ADORA2A: variants seen among roughly 807,000 people sequenced by gnomAD.
ADORA2A encodes the protein adenosine receptor A2a.
A neutral mutation model predicts 18.4 loss-of-function variants in ADORA2A; 11 were observed. The ratio of observed to expected loss-of-function variants is 0.60; its 90% CI spans 0.38 to 0.99. ADORA2A has a LOEUF of 0.99. ADORA2A is among the 50% of genes least tolerant of loss of function. ADORA2A has a pLI of 0.01. For synonymous variants in ADORA2A, 218 were observed against 237.3 expected, an observed-to-expected ratio of 0.92 and a Z score of 0.75; for missense variants, 449 against 556.1, an observed-to-expected ratio of 0.81 and a Z score of 1.94.
chr22:24,438,911 C>G lies in ADORA2A; in HGVS notation c.333-1672C>G, dbSNP rs554783694. ...AGCCCCACCTGAGATCTGGTAATAG[C>G]AGGCGTACGTTTTGCATGGCGCTGA... On this transcript the variant is annotated intron_variant, in intron 2 of 2. Coordinates refer to ENST00000337539, the MANE Select transcript of ADORA2A (RefSeq NM_000675.6). Among the ~76,000 whole-genome samples, 269 of 152,096 alleles carry G rather than the reference C, an allele frequency of 1.8e-3. 2 individuals carry two copies. Among genetic ancestry groups the G allele is most frequent in the Non-Finnish European group, 3.0e-3 (205 of 67,988 alleles).
intron 1 of ADORA2A, chr22:24,431,680 T>C: frequency 2.8e-6 from 1 of 362,090 alleles, no homozygotes; most frequent in South Asian, 2.0e-5. Flanking sequence ...CCCATGAGGG[T>C]TCAGGATTGG....
Position 24,440,979 on chromosome 22 carries a change from C to A in ADORA2A, c.729C>A (p.Ala243=). The A allele has an allele frequency of 6.2e-7, 1 of 1,614,178 alleles. No homozygotes were observed. Among genetic ancestry groups the A allele is most frequent in the South Asian group, 1.1e-5 (1 of 91,086 alleles). ...TGGCCATCATTGTGGGGCTCTTTGC[C>A]CTCTGCTGGCTGCCCCTACACATCA... The part of the protein sequence containing the change: ...KSLAIIVGLF[A]LCWLPLHIIN... The change falls in exon 3 of 3, where the codon GCC becomes GCA. Residue 243 remains alanine, a synonymous_variant. Transcript: ENST00000337539.
Position 24,433,581 on chromosome 22 carries a change from C to T in ADORA2A, c.177C>T (p.Ala59=), listed in dbSNP as rs762896782. Residue 59 remains alanine (A), a synonymous_variant, in exon 2 of 3, where the codon GCC becomes GCT. Transcript: ENST00000337539. ...AAADIAVGVL[A]IPFAITISTG... The stretch of plus-strand genomic sequence containing the variant: ...CCGACATCGCAGTGGGTGTGCTCGC[C>T]ATCCCCTTTGCCATCACCATCAGCA... The T allele has an allele frequency of 6.2e-7, 1 of 1,614,168 alleles. No individual in the cohort carries two copies. Among genetic ancestry groups the T allele is most frequent in the Non-Finnish European group, 8.5e-7 (1 of 1,180,052 alleles).
At chr22:24,440,235 G>A (rs1213393696) in intron 2 of ADORA2A, among the ~76,000 whole-genome samples, 1 of 152,156 alleles carries the variant, frequency 6.6e-6, no homozygotes, top group Non-Finnish European at 1.5e-5. Context: ...TTTCCCTTTA[G>A]AGAAAAATCA....
chr22:24,436,310 G>T (rs1601414252), intron 2 of ADORA2A, among the ~76,000 whole-genome samples: 1 of 152,178 alleles, frequency 6.6e-6, no homozygotes, highest in Admixed American at 6.5e-5. Context: ...TGGGAATCCA[G>T]CCTCCTCTAC....
intron 1 of ADORA2A, among the ~76,000 whole-genome samples, chr22:24,428,443 A>G (rs147956657): frequency 1.6e-4 from 24 of 152,188 alleles, no homozygotes; most frequent in Non-Finnish European, 3.5e-4. Flanking sequence ...CCCTTACTTC[A>G]GTCCTTCTAT....
chr22:24,433,826 G>A, intron 2 of ADORA2A, 90 bp downstream of exon 2: 1 of 1,419,290 alleles, frequency 7.0e-7, no homozygotes, highest in Non-Finnish European at 9.5e-7. Flanking sequence ...TGGGATCAGG[G>A]CCTGGTCTGC....
chr22:24,424,916 C>T (rs2042901150), upstream of ADORA2A, among the ~76,000 whole-genome samples: 1 of 151,998 alleles, frequency 6.6e-6, no homozygotes, highest in Non-Finnish European at 1.5e-5. The surrounding 1 kb of genome is among the most constrained non-coding windows in gnomAD (Gnocchi z 4.9). Context: ...AAGAGGGAGA[C>T]CCAGGGCTGG....
chr22:24,435,910 AC>A (rs2043162208), intron 2 of ADORA2A, among the ~76,000 whole-genome samples: 1 of 152,086 alleles, frequency 6.6e-6, no homozygotes, highest in Non-Finnish European at 1.5e-5. Context: ...GGAGAGGATG[AC>A]GACGATGATG....
At chr22:24,427,272 G>A (rs1316560847), upstream of ADORA2A, among the ~76,000 whole-genome samples, 7 of 152,094 alleles carry the variant, frequency 4.6e-5, no homozygotes, top group African/African-American at 1.7e-4. Flanking sequence ...TGGTCACCCT[G>A]CCCTCCTGTC....
chr22:24,430,603 G>C lies in ADORA2A; in HGVS notation c.-274-2528G>C, dbSNP rs144927935. Among the ~76,000 whole-genome samples the C allele has an allele frequency of 3.5e-4, 54 of 152,348 alleles. 2 individuals carry two copies. The South Asian group carries it at 0.011, about 30-fold the overall frequency. The stretch of plus-strand genomic sequence containing the variant: ...AGCTGGCATGGCACCAGTCCAGCCC[G>C]TGAGGCAGGCGCCGATGATTTGACC... On this transcript the variant is annotated intron_variant, in intron 1 of 2. Transcript: ENST00000337539.
chr22:24,434,956 C>G (rs1403546211), intron 2 of ADORA2A, among the ~76,000 whole-genome samples: 1 of 152,202 alleles, frequency 6.6e-6, no homozygotes, highest in Non-Finnish European at 1.5e-5. Flanking sequence ...ACTGTGACTT[C>G]AGTCACTGGG....
chr22:24,425,154 G>A (rs1277751026), upstream of ADORA2A, among the ~76,000 whole-genome samples: 26 of 152,026 alleles, frequency 1.7e-4, no homozygotes, highest in Admixed American at 1.6e-3. Context: ...GCACCCTGCC[G>A]ATACTCCATG....
chr22:24,425,952 G>A (rs1161744997), upstream of ADORA2A, among the ~76,000 whole-genome samples: 2 of 152,240 alleles, frequency 1.3e-5, no homozygotes, highest in Admixed American at 6.5e-5. Context: ...CCAGAGGGCC[G>A]GTGAGGGGTG....
chr22:24,426,699 T>A (rs1404995275), upstream of ADORA2A, among the ~76,000 whole-genome samples: 1 of 152,026 alleles, frequency 6.6e-6, no homozygotes. Flanking sequence ...ACTCCATGGA[T>A]CTGGCCAGGG....
intron 1 of ADORA2A, among the ~76,000 whole-genome samples, chr22:24,428,721 G>A (rs1040507367): frequency 1.3e-4 from 19 of 151,984 alleles, no homozygotes; most frequent in Admixed American, 9.2e-4. Flanking sequence ...ATTGATTTGC[G>A]ACTCCTCTTA....
chr22:24,433,920 A>C (rs1370700411), intron 2 of ADORA2A, among the ~76,000 whole-genome samples, 184 bp downstream of exon 2: 8 of 152,212 alleles, frequency 5.3e-5, no homozygotes, highest in Non-Finnish European at 1.2e-4. Context: ...AGTCATGCCG[A>C]ACTGACTGAC....
chr22:24,424,800 G>C (rs2042899727), upstream of ADORA2A, among the ~76,000 whole-genome samples: 2 of 152,054 alleles, frequency 1.3e-5, no homozygotes, highest in Non-Finnish European at 2.9e-5. The surrounding 1 kb of genome is among the most constrained non-coding windows in gnomAD (Gnocchi z 4.9). Context: ...CGAGGGATTT[G>C]GCGCAAGGCG....
At position 24,433,376 on chromosome 22, in the gene ADORA2A, C is replaced by G; in HGVS notation, c.-29C>G. 1 of 1,578,956 alleles carries G rather than the reference C, an allele frequency of 6.3e-7. No individual in the cohort carries two copies. Among genetic ancestry groups the G allele is most frequent in the East Asian group, 2.3e-5 (1 of 42,626 alleles). On this transcript the variant is annotated 5_prime_UTR_variant, in exon 2 of 3. Transcript: ENST00000337539. ...ACCGTGAGCTGGCCCAGCCCGCGTC[C>G]GTGCTGAGCCTGCCTGTCGTCTGTG...
Sources: gnomAD v4.1 joint callset for allele counts (sites outside exome capture counted in the v4.1 genomes callset) on GRCh38, gnomAD v4.1.1 for gene constraint, Gnocchi (gnomAD v3.1) non-coding constraint, MANE v1.5 for transcripts, NCBI Gene and HGNC (gene_info 2026-07-23, HGNC 2026-07-21) for gene names.